CDH2: variants seen among roughly 807,000 people sequenced by gnomAD.
CDH2 encodes cadherin 2, also known as cadherin-2.
Under a neutral mutation model 92.0 loss-of-function variants are expected in CDH2, and 17 were observed. The observed-to-expected ratio is 0.18, with a 90% CI of 0.13 to 0.28. The LOEUF (loss-of-function observed/expected upper bound fraction) is 0.28. CDH2 is among the 10% of genes least tolerant of loss of function. The probability of loss-of-function intolerance (pLI) is 1.00; values close to 1 mark genes in which losing one functional copy is unlikely to be tolerated. For synonymous variants in CDH2, 419 were observed against 415.9 expected (o/e 1.01, Z -0.09); for missense variants, 862 against 1,133.1 (o/e 0.76, Z 3.44).
At chr18:28,087,380 C>A (rs2014952961) in intron 2 of CDH2, among the ~76,000 whole-genome samples, 1 of 152,128 alleles carries the variant, frequency 6.6e-6, no homozygotes, top group Non-Finnish European at 1.5e-5. Context: ...GGAGCAGTAA[C>A]CAGGTTAAAA....
intron 2 of CDH2, among the ~76,000 whole-genome samples, chr18:28,118,075 C>G (rs576226936): frequency 1.3e-5 from 2 of 151,712 alleles, no homozygotes; most frequent in Admixed American, 1.3e-4. Context: ...GGGCAACACA[C>G]ACTTTCCTTT....
downstream of CDH2, among the ~76,000 whole-genome samples, chr18:27,950,675 T>C (rs953348881): frequency 1.3e-5 from 2 of 152,088 alleles, no homozygotes; most frequent in Non-Finnish European, 2.9e-5. Flanking sequence ...AATTAAAACA[T>C]GAGTTATATT....
intron 2 of CDH2, among the ~76,000 whole-genome samples, chr18:28,086,509 C>A (rs1307961045): frequency 1.3e-5 from 2 of 151,950 alleles, no homozygotes; most frequent in African/African-American, 4.8e-5. Context: ...AGAGTGTACT[C>A]GGGAAAAGAG....
At chr18:28,133,404 A>T (rs1481256644) in intron 2 of CDH2, among the ~76,000 whole-genome samples, 1 of 151,740 alleles carries the variant, frequency 6.6e-6, no homozygotes, top group African/African-American at 2.4e-5. Flanking sequence ...TAACACAGTG[A>T]AACTCCGTCT....
chr18:28,023,988 T>C (rs977420188), intron 2 of CDH2, among the ~76,000 whole-genome samples: 20 of 152,150 alleles, frequency 1.3e-4, no homozygotes, highest in Admixed American at 1.3e-3. Flanking sequence ...TTTGGCTTAG[T>C]ATTATATGTG....
chr18:28,036,710 T>G, intron 2 of CDH2: 1 of 614,798 alleles, frequency 1.6e-6, no homozygotes, highest in Non-Finnish European at 2.9e-6. Context: ...AGAGATTGGG[T>G]GGCTCAAACA....
At chr18:27,967,877 G>T (rs1409021467) in intron 14 of CDH2, among the ~76,000 whole-genome samples, 2 of 152,154 alleles carry the variant, frequency 1.3e-5, no homozygotes, top group Non-Finnish European at 2.9e-5. Context: ...CAGAGCATTT[G>T]GTTATGCTAC....
rs576389307 is a variant in CDH2, at chr18:28,087,579, T to C, written c.172+60094A>G. On this transcript the variant is annotated intron_variant, in intron 2 of 15. Transcript: ENST00000269141. ...GTCTTCAACCAAGCTTTTTATTACA[T>C]TGGGTTAAGAAGAAAAAAAAATAAC... 6.0e-4 allele frequency among the ~76,000 whole-genome samples: 92 copies of C among 152,200 alleles called. 1 individual carries two copies. Among genetic ancestry groups the C allele is most frequent in the Non-Finnish European group, 7.4e-5 (5 of 67,998 alleles).
chr18:28,101,680 G>A lies in CDH2; in HGVS notation c.172+45993C>T, dbSNP rs185016790. 7.9e-4 allele frequency among the ~76,000 whole-genome samples: 120 copies of A among 152,202 alleles called. 1 individual carries two copies. The highest frequency in any genetic ancestry group is 7.8e-4 in the Non-Finnish European group (53 of 68,012). ...TGGATCAGTTTTAAAAAAGAAAAAG[G>A]ATTGATTGAAGTACAAGCATAAACT... On this transcript the variant is annotated intron_variant, in intron 2 of 15. Coordinates refer to ENST00000269141, the MANE Select transcript of CDH2 (RefSeq NM_001792.5).
intron 2 of CDH2, among the ~76,000 whole-genome samples, chr18:28,075,993 TG>T: frequency 6.6e-6 from 1 of 152,292 alleles, no homozygotes; most frequent in East Asian, 1.9e-4. Context: ...TCATACGAGC[TG>T]TTGTTATTTG....
At chr18:28,130,845 T>C (rs928653758) in intron 2 of CDH2, among the ~76,000 whole-genome samples, 3 of 152,176 alleles carry the variant, frequency 2.0e-5, no homozygotes, top group Admixed American at 6.5e-5. Context: ...TAAATTTCCA[T>C]AGGAGGGTGA....
intron 2 of CDH2, among the ~76,000 whole-genome samples, chr18:28,045,932 G>C (rs1274220362): frequency 2.0e-5 from 3 of 152,166 alleles, no homozygotes; most frequent in African/African-American, 7.2e-5. Context: ...TAGACATTCA[G>C]CTCAGTGACT....
At chr18:27,978,727 A>G (rs1479815524) in intron 14 of CDH2, among the ~76,000 whole-genome samples, 6 of 152,096 alleles carry the variant, frequency 3.9e-5, no homozygotes, top group African/African-American at 1.4e-4. Flanking sequence ...ATCACAGCTC[A>G]CTGCGGCCTC....
chr18:27,992,267 A>G (rs1474436377), intron 9 of CDH2, among the ~76,000 whole-genome samples: 1 of 152,176 alleles, frequency 6.6e-6, no homozygotes, highest in Non-Finnish European at 1.5e-5. Context: ...AGAATGTGAT[A>G]TATCATGAAT....
intron 11 of CDH2, among the ~76,000 whole-genome samples, chr18:27,986,216 C>T (rs1036076600): frequency 4.6e-5 from 7 of 152,258 alleles, no homozygotes; most frequent in East Asian, 3.9e-4. Flanking sequence ...TTTGACTTAA[C>T]GCAACAGTCT....
At chr18:28,104,046 G>A (rs2015281118) in intron 2 of CDH2, among the ~76,000 whole-genome samples, 1 of 152,140 alleles carries the variant, frequency 6.6e-6, no homozygotes, top group African/African-American at 2.4e-5. Flanking sequence ...TTGAGCTCTT[G>A]CAGTAATTCC....
chr18:28,016,025 C>T (rs893032939), intron 2 of CDH2, among the ~76,000 whole-genome samples: 1 of 152,196 alleles, frequency 6.6e-6, no homozygotes, highest in Non-Finnish European at 1.5e-5. Context: ...TTTTCCATAC[C>T]AAAGCCCTAG....
downstream of CDH2, among the ~76,000 whole-genome samples, chr18:27,947,705 T>C (rs1361269053): frequency 2.3e-4 from 31 of 137,364 alleles, no homozygotes; most frequent in Admixed American, 4.3e-4. Context: ...ATGATGTAAG[T>C]ATATGTGATA....
intron 2 of CDH2, chr18:28,045,606 GGGCCAGT>G: frequency 6.4e-6 from 2 of 313,132 alleles, no homozygotes; most frequent in East Asian, 1.8e-4. Flanking sequence ...TTAAGCACCT[GGGCCAGT>G]GGCTACTCAT....
Sources: gnomAD v4.1 joint callset for allele counts (sites outside exome capture counted in the v4.1 genomes callset) on GRCh38, gnomAD v4.1.1 for gene constraint, MANE v1.5 for transcripts, NCBI Gene and HGNC (gene_info 2026-07-23, HGNC 2026-07-21) for gene names.